Variants in WDFY4 observed in about 807,000 individuals in gnomAD.
The protein encoded by WDFY4 is WD repeat- and FYVE domain-containing protein 4.
In WDFY4, 169 loss-of-function variants were observed where a neutral mutation model predicts 351.9. That is an observed-to-expected ratio of 0.48 (90% CI 0.42 to 0.55). The LOEUF is 0.55. WDFY4 is among the 20% of genes least tolerant of loss of function. WDFY4 has a pLI of 0.00. For missense variants in WDFY4, 3,803 were observed against 3,935.6 expected (o/e 0.97, Z 0.90); for synonymous variants, 1,622 against 1,574.6 (o/e 1.03, Z -0.71).
Position 48,792,319 on chromosome 10 carries a change from G to A in WDFY4, c.4257+1402G>A, listed in dbSNP as rs986915387. ...TTTCCTGGTCCTCTTGGCACTGTGGGCACATCCCGTTTTAATTGCTCTCGC... is the reference window on the plus strand; with the variant it reads ...TTTCCTGGTCCTCTTGGCACTGTGGACACATCCCGTTTTAATTGCTCTCGC... On this transcript the variant is annotated intron_variant, in intron 23 of 61. Transcript: ENST00000325239. Among the ~76,000 whole-genome samples the A allele has an allele frequency of 7.9e-5, 12 of 152,282 alleles. No homozygotes were observed. In the East Asian group the frequency reaches 1.7e-3, roughly 22 times the overall value.
At chr10:48,730,079 C>T (rs954228091) in intron 8 of WDFY4, among the ~76,000 whole-genome samples, 3 of 152,212 alleles carry the variant, frequency 2.0e-5, no homozygotes, top group Non-Finnish European at 4.4e-5. Flanking sequence ...CCCTAGTCTG[C>T]TGGAGAATCG....
chr10:48,874,026 G>T (rs1341630645), intron 41 of WDFY4, among the ~76,000 whole-genome samples: 1 of 152,220 alleles, frequency 6.6e-6, no homozygotes, highest in African/African-American at 2.4e-5. Flanking sequence ...CTGGATGCAA[G>T]TGCTTGGAAA....
chr10:48,740,679 G>A (rs1259034425), intron 11 of WDFY4, among the ~76,000 whole-genome samples: 1 of 152,246 alleles, frequency 6.6e-6, no homozygotes, highest in East Asian at 1.9e-4. Flanking sequence ...CCTCACTCGG[G>A]AGGAGAAAGC....
rs200606093 is a variant in WDFY4, at chr10:48,787,879, TTTC to T, written c.3809-640_3809-638del. On this transcript the variant is annotated intron_variant, in intron 20 of 61. Coordinates refer to ENST00000325239, the MANE Select transcript of WDFY4 (RefSeq NM_001394531.1). Reference sequence around the variant, plus strand: ...CTTCTTTCTTCTTCTTTCTTCTTTCTTTCTTCTTCTTCTCCTTCTTCTTCTTCT... The same window carrying T: ...CTTCTTTCTTCTTCTTTCTTCTTTCTTTCTTCTTCTCCTTCTTCTTCTTCT... Among the ~76,000 whole-genome samples the T allele has an allele frequency of 2.3e-3, 241 of 104,478 alleles. 36 individuals are homozygous for T. Among genetic ancestry groups the T allele is most frequent in the African/African-American group, 0.014 (230 of 16,044 alleles). 68.5% of individuals were successfully genotyped at this position (104,478 alleles called of 152,430 possible). A position where few individuals can be genotyped will look rare whatever the true frequency, so the allele number is the denominator to read the frequency against.
intron 47 of WDFY4, among the ~76,000 whole-genome samples, chr10:48,916,176 C>T (rs1030358509): frequency 5.3e-5 from 8 of 152,164 alleles, no homozygotes; most frequent in African/African-American, 1.7e-4. Flanking sequence ...CACAAGTTTC[C>T]TGAACTCCTT....
At chr10:48,956,359 T>C (rs1436340521) in intron 51 of WDFY4, among the ~76,000 whole-genome samples, 1 of 152,106 alleles carries the variant, frequency 6.6e-6, no homozygotes, top group East Asian at 1.9e-4. Context: ...TCTCCATCTC[T>C]CCACCCTCAG....
chr10:48,878,958 T>C (rs959820797), intron 43 of WDFY4, among the ~76,000 whole-genome samples: 50 of 152,246 alleles, frequency 3.3e-4, no homozygotes, highest in African/African-American at 1.2e-3. Flanking sequence ...ATCTACTATG[T>C]GAAATTTTGA....
At chr10:48,869,428 G>A (rs901880804) in intron 40 of WDFY4, among the ~76,000 whole-genome samples, 2 of 152,196 alleles carry the variant, frequency 1.3e-5, no homozygotes, top group African/African-American at 4.8e-5. Context: ...GATGGCAGCA[G>A]CCCCCAGCAT....
chr10:48,842,355 G>A (rs926924970), intron 39 of WDFY4, among the ~76,000 whole-genome samples: 7 of 151,996 alleles, frequency 4.6e-5, no homozygotes, highest in African/African-American at 1.7e-4. Context: ...AAACCAGCTG[G>A]TCTGCGACAA....
chr10:48,714,687 A>G (rs1268617755), intron 2 of WDFY4, among the ~76,000 whole-genome samples: 1 of 152,258 alleles, frequency 6.6e-6, no homozygotes, highest in Non-Finnish European at 1.5e-5. Context: ...CTAGAGCTAC[A>G]GAAGTAGCCA....
At position 48,907,461 on chromosome 10, in the gene WDFY4, G is replaced by A. The variant is rs4089535; in HGVS notation, c.7586+5598G>A. 7.4e-3 allele frequency among the ~76,000 whole-genome samples: 1,131 copies of A among 152,188 alleles called. 21 individuals are homozygous for A. The highest frequency in any genetic ancestry group is 0.026 in the African/African-American group (1,086 of 41,518). On this transcript the variant is annotated intron_variant, in intron 47 of 61. Coordinates refer to ENST00000325239, the MANE Select transcript of WDFY4 (RefSeq NM_001394531.1). ...ACTGTATAAATTCTTCATATATAAT[G>A]TTTAGAATGAAATTTATTTTGGGGG...
Position 48,787,807 on chromosome 10 carries a change from C to CTTCTTCTTCT in WDFY4, c.3809-722_3809-721insTCTTCTTCTT, listed in dbSNP as rs1555010320. Among the ~76,000 whole-genome samples, 60 of 76,734 alleles carry CTTCTTCTTCT rather than the reference C, an allele frequency of 7.8e-4. 1 individual carries two copies. Among genetic ancestry groups the CTTCTTCTTCT allele is most frequent in the East Asian group, 3.9e-3 (9 of 2,284 alleles). 50.3% of individuals were successfully genotyped at this position (76,734 alleles called of 152,430 possible). ...CCTCTTCCTCCTCCTCCTCCTCCTCCTCTTCTTCTTCTTCTTCTTCTTCTT... is the reference window on the plus strand; with the variant it reads ...CCTCTTCCTCCTCCTCCTCCTCCTCCTTCTTCTTCTTCTTCTTCTTCTTCTTCTTCTTCTT... On this transcript the variant is annotated intron_variant, in intron 20 of 61. Transcript: ENST00000325239.
At chr10:48,959,856 A>G in intron 53 of WDFY4, 43 bp downstream of exon 53, 1 of 1,503,490 alleles carries the variant, frequency 6.7e-7, no homozygotes, top group Non-Finnish European at 9.0e-7. Context: ...GGGGACCTGA[A>G]CATCCCCTCA....
At chr10:48,726,914 T>C (rs2132311584) in intron 6 of WDFY4, among the ~76,000 whole-genome samples, 1 of 152,326 alleles carries the variant, frequency 6.6e-6, no homozygotes, top group East Asian at 1.9e-4. Context: ...AATCTTCCCC[T>C]GGCTCCGCAC....
At chr10:48,806,771 C>G (rs2448541) in intron 27 of WDFY4, among the ~76,000 whole-genome samples, 1 of 152,044 alleles carries the variant, frequency 6.6e-6, no homozygotes, top group Admixed American at 6.5e-5. Context: ...CTGTCCAAGA[C>G]GAGAGCCCCT....
Position 48,946,880 on chromosome 10 carries a change from C to G in WDFY4, c.7888C>G (p.His2630Asp). ...KTEGDMTVQCHYYTHYSSAII... is the reference protein window; with the variant it reads ...KTEGDMTVQCDYYTHYSSAII... ...TGCAGGAGACATGACTGTCCAGTGC[C>G]ACTACTACACCCACTACTCCTCGGC... The change falls in exon 51 of 62, where the codon CAC becomes GAC. Residue 2630 changes from histidine to aspartate, a missense_variant. Around this residue, in one of 3 missense-constraint regions of WDFY4, gnomAD observed 3,054 missense variants for 3,148.6 expected, o/e 0.97. Transcript: ENST00000325239. The G allele has an allele frequency of 6.4e-7, 1 of 1,552,024 alleles. No individual in the cohort carries two copies. Among genetic ancestry groups the G allele is most frequent in the African/African-American group, 1.4e-5 (1 of 73,132 alleles).
At chr10:48,932,983 G>A (rs1840116901) in intron 47 of WDFY4, among the ~76,000 whole-genome samples, 1 of 152,118 alleles carries the variant, frequency 6.6e-6, no homozygotes. Flanking sequence ...CATGGGTAGG[G>A]GACAACATAA....
At chr10:48,705,336 T>G (rs1285431855) in intron 1 of WDFY4, among the ~76,000 whole-genome samples, 1 of 152,166 alleles carries the variant, frequency 6.6e-6, no homozygotes, top group Non-Finnish European at 1.5e-5. Context: ...CCTCCTTAAA[T>G]CTTGTGAGGA....
intron 5 of WDFY4, among the ~76,000 whole-genome samples, chr10:48,724,352 T>C (rs1471469034): frequency 2.0e-5 from 3 of 152,162 alleles, no homozygotes; most frequent in Non-Finnish European, 4.4e-5. Flanking sequence ...GGCATCCACA[T>C]TAGACGAATT....
Sources: gnomAD v4.1 joint callset for allele counts (sites outside exome capture counted in the v4.1 genomes callset) on GRCh38, gnomAD v4.1.1 for gene constraint, gnomAD v4.1.1 regional missense constraint, MANE v1.5 for transcripts, NCBI Gene and HGNC (gene_info 2026-07-23, HGNC 2026-07-21) for gene names.